The following SDK1 variants were observed in gnomAD, a reference collection of about 807,000 sequenced individuals.
SDK1 encodes protein sidekick-1.
SDK1 carries 157 observed loss-of-function variants against 245.5 expected under a neutral mutation model. The ratio of observed to expected loss-of-function variants is 0.64; its 90% confidence interval spans 0.56 to 0.73. SDK1 has a LOEUF of 0.73. SDK1 is among the 30% of genes least tolerant of loss of function. The probability of loss-of-function intolerance (pLI) is 0.00; values close to 1 mark genes in which losing one functional copy is unlikely to be tolerated. For missense variants in SDK1, 3,583 were observed against 3,002.3 expected, an observed-to-expected ratio of 1.19 and a Z score of -4.52; for synonymous variants, 1,647 against 1,278.5, an observed-to-expected ratio of 1.29 and a Z score of -6.15.
At chr7:3,733,189 A>G (rs781550501) in intron 4 of SDK1, among the ~76,000 whole-genome samples, 7 of 152,212 alleles carry the variant, frequency 4.6e-5, no homozygotes, top group Non-Finnish European at 7.3e-5. Context: ...GTCTTTAAAG[A>G]ATATTTTAAT....
intron 17 of SDK1, among the ~76,000 whole-genome samples, chr7:4,036,417 C>T (rs973404311): frequency 6.6e-6 from 1 of 152,120 alleles, no homozygotes; most frequent in African/African-American, 2.4e-5. Context: ...TTTCTGTAGA[C>T]CTACATGGAT....
At chr7:3,379,504 A>T (rs2128566558) in intron 1 of SDK1, among the ~76,000 whole-genome samples, 1 of 152,134 alleles carries the variant, frequency 6.6e-6, no homozygotes, top group East Asian at 1.9e-4. Context: ...ATGGGGAAAG[A>T]CCTTTATTCG....
At position 4,245,817 on chromosome 7, in the gene SDK1, T is replaced by G. The variant is rs756969270; in HGVS notation, c.6381+12T>G. On this transcript the variant is annotated intron_variant, in intron 44 of 44. Coordinates refer to ENST00000404826, the MANE Select transcript of SDK1 (RefSeq NM_152744.4). ...CATCAGAATCTGAGGTCAGTGTCGG[T>G]GCCTACTTCCGGGCAGTGACCATCA... 6.2e-6 allele frequency: 10 copies of G among 1,613,442 alleles called. No individual in the cohort carries two copies. In the Admixed American group the frequency reaches 1.5e-4, roughly 24 times the overall value.
At chr7:4,138,201 A>G (rs1779222979) in intron 28 of SDK1, among the ~76,000 whole-genome samples, 2 of 152,090 alleles carry the variant, frequency 1.3e-5, no homozygotes, top group Non-Finnish European at 2.9e-5. Flanking sequence ...ATCTGCATAC[A>G]TTGTCTCACT....
At chr7:3,952,729 T>G (rs1389138693) in intron 7 of SDK1, among the ~76,000 whole-genome samples, 1 of 151,554 alleles carries the variant, frequency 6.6e-6, no homozygotes, top group Non-Finnish European at 1.5e-5. Flanking sequence ...TTCCTCAAAC[T>G]GGGCGACATA....
chr7:4,170,706 T>G (rs1265171765), intron 32 of SDK1, among the ~76,000 whole-genome samples: 1 of 152,076 alleles, frequency 6.6e-6, no homozygotes, highest in Non-Finnish European at 1.5e-5. Context: ...TGAATGTGAT[T>G]CTATAGACTC....
intron 1 of SDK1, among the ~76,000 whole-genome samples, chr7:3,383,412 T>TA (rs1435255833): frequency 6.6e-5 from 10 of 152,166 alleles, no homozygotes; most frequent in Non-Finnish European, 1.2e-4. Context: ...CTGTTTCTAT[T>TA]AAAAAAACAC....
intron 1 of SDK1, among the ~76,000 whole-genome samples, chr7:3,515,423 C>T (rs577436751): frequency 6.6e-6 from 1 of 152,274 alleles, no homozygotes; most frequent in East Asian, 1.9e-4. Context: ...TTAGTAATTA[C>T]TTTAATGACA....
chr7:3,600,152 A>T (rs972958744), intron 1 of SDK1, among the ~76,000 whole-genome samples: 2 of 152,218 alleles, frequency 1.3e-5, no homozygotes, highest in Admixed American at 6.5e-5. Flanking sequence ...TCTAAAGTTT[A>T]TACCTAAGTA....
chr7:3,892,821 C>A (rs527366995), intron 5 of SDK1, among the ~76,000 whole-genome samples: 1 of 152,298 alleles, frequency 6.6e-6, no homozygotes, highest in East Asian at 1.9e-4. Context: ...GTTCCTCTTA[C>A]CCGTATCCCT....
At chr7:4,165,327 C>A (rs1308140604) in intron 32 of SDK1, among the ~76,000 whole-genome samples, 2 of 152,116 alleles carry the variant, frequency 1.3e-5, no homozygotes, top group Non-Finnish European at 2.9e-5. Flanking sequence ...CCATTGCACT[C>A]CAGCCTGGGC....
intron 5 of SDK1, among the ~76,000 whole-genome samples, chr7:3,869,482 A>T (rs1454774200): frequency 6.6e-6 from 1 of 151,984 alleles, no homozygotes; most frequent in Non-Finnish European, 1.5e-5. Context: ...CTAAGATTTC[A>T]GTCAGGTGTG....
At chr7:4,243,049 C>T (rs1786629998) in intron 43 of SDK1, among the ~76,000 whole-genome samples, 1 of 152,158 alleles carries the variant, frequency 6.6e-6, no homozygotes, top group Non-Finnish European at 1.5e-5. Context: ...TACTGGGAGG[C>T]AAGTTTTTCC....
At position 3,473,599 on chromosome 7, in the gene SDK1, A is replaced by G. The variant is rs17133403; in HGVS notation, c.299-145481A>G. 5.9e-3 allele frequency among the ~76,000 whole-genome samples: 897 copies of G among 152,268 alleles called. 9 individuals carry two copies. Among genetic ancestry groups the G allele is most frequent in the African/African-American group, 0.02 (831 of 41,558 alleles). ...AATGACCTCCAAAAAGGCCTTTTAA[A>G]TCTACTCCTTGCTTCCATGTGCTTT... On this transcript the variant is annotated intron_variant, in intron 1 of 44. Transcript: ENST00000404826.
At chr7:3,424,267 G>T (rs918907926) in intron 1 of SDK1, among the ~76,000 whole-genome samples, 1 of 152,166 alleles carries the variant, frequency 6.6e-6, no homozygotes, top group African/African-American at 2.4e-5. Flanking sequence ...CAAATTGTAA[G>T]AAGATTATTT....
chr7:3,470,085 A>G (rs528030537), intron 1 of SDK1, among the ~76,000 whole-genome samples: 2 of 152,158 alleles, frequency 1.3e-5, no homozygotes, highest in African/African-American at 4.8e-5. Context: ...AGAAGATACT[A>G]GAGAGGGTCC....
At chr7:4,146,071 G>A (rs751624179) in intron 29 of SDK1, among the ~76,000 whole-genome samples, 155 bp downstream of exon 29, 1 of 152,186 alleles carries the variant, frequency 6.6e-6, no homozygotes, top group Non-Finnish European at 1.5e-5. Context: ...CATTGCACCT[G>A]ACATGGAGCT....
chr7:3,858,535 A>C (rs1035626801), intron 5 of SDK1, among the ~76,000 whole-genome samples: 6 of 152,070 alleles, frequency 3.9e-5, no homozygotes, highest in Admixed American at 1.3e-4. Flanking sequence ...AATGTAGAAA[A>C]ATTTTCAAAA....
chr7:3,548,338 G>T (rs1779296222), intron 1 of SDK1, among the ~76,000 whole-genome samples: 1 of 152,104 alleles, frequency 6.6e-6, no homozygotes. Context: ...ATGAATTATT[G>T]TTCTAAATGT....
Sources: allele counts gnomAD v4.1 joint callset (sites outside exome capture counted in the v4.1 genomes callset), GRCh38; gene constraint gnomAD v4.1.1; transcripts MANE v1.5; gene names NCBI Gene and HGNC (gene_info 2026-07-23, HGNC 2026-07-21).